The following GALNT3 variants were observed in gnomAD, a reference collection of about 807,000 sequenced individuals.
GALNT3 encodes polypeptide N-acetylgalactosaminyltransferase 3, also known as GalNAc transferase 3.
In GALNT3, 51 loss-of-function variants were observed where a neutral mutation model predicts 69.8. The observed-to-expected ratio is 0.73, with a 90% CI of 0.58 to 0.92. GALNT3 has a LOEUF of 0.92. GALNT3 is among the 40% of genes least tolerant of loss of function. GALNT3 has a pLI of 0.00. For missense variants in GALNT3, 711 were observed against 760.0 expected, an observed-to-expected ratio of 0.94 and a Z score of 0.76; for synonymous variants, 265 against 248.5, an observed-to-expected ratio of 1.07 and a Z score of -0.63.
At chr2:165,789,371 G>A (rs529768381) in intron 1 of GALNT3, among the ~76,000 whole-genome samples, 11 of 152,242 alleles carry the variant, frequency 7.2e-5, no homozygotes, top group African/African-American at 9.6e-5. Context: ...CAAGGCCCTC[G>A]TGACCTGATG....
intron 9 of GALNT3, among the ~76,000 whole-genome samples, chr2:165,752,995 A>G (rs1688380822): frequency 1.3e-5 from 2 of 152,082 alleles, no homozygotes; most frequent in African/African-American, 4.8e-5. Flanking sequence ...TCTCCATCCT[A>G]TTTCAGAATT....
In GALNT3 at chr2:165,748,633, T is replaced by A. The variant is rs1688301463; in HGVS notation, c.*148A>T. ...GAAACTTGCAGAATTTCTGTAGTAG[T>A]GCTACATAAAGATATAAATAAGAAA... On this transcript the variant is annotated 3_prime_UTR_variant, in exon 11 of 11. Transcript: ENST00000392701. 1 of 691,224 alleles carries A rather than the reference T, an allele frequency of 1.4e-6. No individual in the cohort carries two copies. The highest frequency in any genetic ancestry group is 2.4e-6 in the Non-Finnish European group (1 of 411,942). The allele number at this position is 691,224 out of a possible 1,614,324, so 42.8% of individuals were successfully genotyped here. A position where few individuals can be genotyped will look rare whatever the true frequency, so the allele number is the denominator to read the frequency against.
intron 1 of GALNT3, chr2:165,793,709 T>C (rs1250395555): frequency 1.3e-5 from 2 of 152,242 alleles, no homozygotes; most frequent in East Asian, 1.9e-4. Flanking sequence ...CAAGGGCAAG[T>C]CCGGGGCCAC....
intron 7 of GALNT3, among the ~76,000 whole-genome samples, chr2:165,756,464 AGACAGCATGC>A (rs1465644237): frequency 7.2e-5 from 11 of 152,190 alleles, no homozygotes; most frequent in Admixed American, 7.2e-4. Context: ...TCTGGGAGAG[AGACAGCATGC>A]GTATTTCATC....
intron 4 of GALNT3, 68 bp downstream of exon 4, chr2:165,761,837 C>G (rs568330074): frequency 1.3e-6 from 2 of 1,540,156 alleles, no homozygotes; most frequent in Non-Finnish European, 1.8e-6. Context: ...GAAAAGACTT[C>G]CTTACCTTTT....
Position 165,761,939 on chromosome 2 carries a change from T to TGCGATGTTGCTC in GALNT3, c.803_804insGAGCAACATCGC (p.Ala268_Thr269insSerAsnIleAla). ...CTAAAAATGTGAGCGTTTCAGCTGT[T>TGCGATGTTGCTC]GCGACTGTTGCTCCTAGCAACCGAG... On this transcript the variant is annotated inframe_insertion, in exon 4 of 11. Transcript: ENST00000392701. 6.2e-7 allele frequency: 1 copy of TGCGATGTTGCTC among 1,614,156 alleles called. No individual in the cohort carries two copies. Among genetic ancestry groups the TGCGATGTTGCTC allele is most frequent in the South Asian group, 1.1e-5 (1 of 91,082 alleles).
chr2:165,769,443 A>AATAATAAT (rs1688711028), intron 2 of GALNT3, among the ~76,000 whole-genome samples: 1 of 135,774 alleles, frequency 7.4e-6, no homozygotes, highest in South Asian at 2.3e-4. Flanking sequence ...ATAATAATAA[A>AATAATAAT]TAAATAAATA....
At chr2:165,786,247 A>G (rs1336906295) in intron 1 of GALNT3, among the ~76,000 whole-genome samples, 1 of 152,226 alleles carries the variant, frequency 6.6e-6, no homozygotes, top group Non-Finnish European at 1.5e-5. Context: ...TAGAAGAAAC[A>G]TTTAAATAAA....
chr2:165,769,507 A>C (rs1688712643), intron 2 of GALNT3, among the ~76,000 whole-genome samples: 1 of 151,296 alleles, frequency 6.6e-6, no homozygotes, highest in Non-Finnish European at 1.5e-5. Context: ...TACTCCCAGC[A>C]CTTTGGGAGG....
intron 10 of GALNT3, 116 bp downstream of exon 10, chr2:165,749,626 A>G: frequency 1.1e-6 from 1 of 934,894 alleles, no homozygotes; most frequent in Non-Finnish European, 1.7e-6. Context: ...AAAGTTAATA[A>G]AGGGAGAGAA....
chr2:165,782,567 T>C (rs1340249562), intron 1 of GALNT3, among the ~76,000 whole-genome samples: 2 of 152,076 alleles, frequency 1.3e-5, no homozygotes, highest in Non-Finnish European at 2.9e-5. Context: ...CAATTATTCA[T>C]TAAAGAACTG....
chr2:165,765,164 GAT>G (rs1193312469), intron 2 of GALNT3, 108 bp from the exon 3 acceptor site: 2 of 1,006,642 alleles, frequency 2.0e-6, no homozygotes, highest in African/African-American at 3.2e-5. Flanking sequence ...ACTGAAAAAG[GAT>G]AGTTTTCTTG....
At chr2:165,757,794 TTA>T (rs1688472325) in intron 6 of GALNT3, among the ~76,000 whole-genome samples, 1 of 152,142 alleles carries the variant, frequency 6.6e-6, no homozygotes, top group African/African-American at 2.4e-5. Context: ...TCATGCCAAT[TTA>T]GAGAGAAAAC....
At chr2:165,772,703 G>A (rs1247101242) in intron 1 of GALNT3, among the ~76,000 whole-genome samples, 2 of 151,690 alleles carry the variant, frequency 1.3e-5, no homozygotes, top group Non-Finnish European at 2.9e-5. Flanking sequence ...GTACATTTTA[G>A]GCAGTTAGAC....
In GALNT3 at chr2:165,758,703, T is replaced by C. The variant is rs762452612; in HGVS notation, c.1191+44A>G. ...CCAGCCGATTAGAACACAATATATT[T>C]CATTGTTTAATATATCTGCTATATT... On this transcript the variant is annotated intron_variant, in intron 6 of 10. Transcript: ENST00000392701. 6.1e-6 allele frequency: 7 copies of C among 1,156,076 alleles called. No homozygotes were observed. The African/African-American group carries it at 1.1e-4, about 18-fold the overall frequency. 71.6% of individuals were successfully genotyped at this position (1,156,076 alleles called of 1,614,324 possible).
At chr2:165,772,951 T>C (rs1688779268) in intron 1 of GALNT3, among the ~76,000 whole-genome samples, 1 of 152,152 alleles carries the variant, frequency 6.6e-6, no homozygotes, top group African/African-American at 2.4e-5. Flanking sequence ...AAGACCACAA[T>C]CAAATTTATG....
intron 6 of GALNT3, among the ~76,000 whole-genome samples, chr2:165,758,096 C>A (rs1349696490): frequency 6.6e-6 from 1 of 152,104 alleles, no homozygotes; most frequent in East Asian, 1.9e-4. Flanking sequence ...AATGAATAAA[C>A]AAGACCCCGC....
chr2:165,756,918 A>G, intron 7 of GALNT3, 129 bp downstream of exon 7: 1 of 701,370 alleles, frequency 1.4e-6, no homozygotes, highest in Non-Finnish European at 2.5e-6. Context: ...TTCATAAGTC[A>G]TGTACTTTAA....
intron 1 of GALNT3, among the ~76,000 whole-genome samples, chr2:165,776,021 T>A (rs1444163205): frequency 6.6e-6 from 1 of 152,178 alleles, no homozygotes; most frequent in Non-Finnish European, 1.5e-5. Flanking sequence ...GGATTTACGC[T>A]GATATAAATG....
Sources: gnomAD v4.1 joint callset for allele counts (sites outside exome capture counted in the v4.1 genomes callset) on GRCh38, gnomAD v4.1.1 for gene constraint, MANE v1.5 for transcripts, NCBI Gene and HGNC (gene_info 2026-07-23, HGNC 2026-07-21) for gene names.